Variants in MYBPC2 observed in about 807,000 individuals in gnomAD.
MYBPC2 encodes myosin-binding protein C, fast-type.
MYBPC2 carries 122 observed loss-of-function variants against 137.0 expected under a neutral mutation model. That is an observed-to-expected ratio of 0.89 (90% CI 0.77 to 1.03). The LOEUF (loss-of-function observed/expected upper bound fraction) is 1.03, where lower values mean the gene tolerates loss of function less well. Among genes scored for constraint, MYBPC2 ranks in the 50% least tolerant of loss-of-function variants. MYBPC2 has a pLI of 0.00. For missense variants in MYBPC2, 1,500 were observed against 1,534.4 expected, an observed-to-expected ratio of 0.98 and a Z score of 0.37; for synonymous variants, 626 against 612.3, an observed-to-expected ratio of 1.02 and a Z score of -0.33.
chr19:50,451,976 C>T lies in MYBPC2; in HGVS notation c.1722C>T (p.Pro574=), dbSNP rs931084866. The stretch of plus-strand genomic sequence containing the variant: ...TGTCCATCACAGGGGAGCCCCCTCC[C>T]GTCGCTACCTGGCTGAAGGGAGATG... ...LDVSITGEPP[P]VATWLKGDEV... is the part of the protein sequence containing the mutation. The change falls in exon 16 of 28, where the codon CCC becomes CCT. Residue 574 remains proline, a synonymous_variant. Coordinates refer to ENST00000357701, the MANE Select transcript of MYBPC2 (RefSeq NM_004533.4). 50 of 1,553,674 alleles carry T rather than the reference C, an allele frequency of 3.2e-5. 1 individual carries two copies. Among genetic ancestry groups the T allele is most frequent in the Middle Eastern group, 1.7e-4 (1 of 6,018 alleles).
Position 50,432,975 on chromosome 19 carries a change from G to A in MYBPC2, c.19+3G>A. On this transcript the variant is annotated splice_donor_region_variant and intron_variant, in intron 1 of 27. Coordinates refer to ENST00000357701, the MANE Select transcript of MYBPC2 (RefSeq NM_004533.4). This position sits in a 1 kb window ranked among gnomAD's most constrained non-coding sequence, Gnocchi z 5.5. Reference sequence around the variant, plus strand: ...CGACATGCCTGAGGCAAAACCAGGTGGCGCCAGGACCCCCTCCCTGTGTGG... The same window carrying A: ...CGACATGCCTGAGGCAAAACCAGGTAGCGCCAGGACCCCCTCCCTGTGTGG... 1.2e-6 allele frequency: 2 copies of A among 1,600,250 alleles called. No individual in the cohort carries two copies. Among genetic ancestry groups the A allele is most frequent in the South Asian group, 1.1e-5 (1 of 89,122 alleles).
At position 50,440,318 on chromosome 19, in the gene MYBPC2, G is replaced by GAAATA. The variant is rs1478570821; in HGVS notation, c.573-554_573-550dup. Among the ~76,000 whole-genome samples the GAAATA allele has an allele frequency of 8.6e-3, 821 of 95,932 alleles. 10 individuals carry two copies. Among genetic ancestry groups the GAAATA allele is most frequent in the African/African-American group, 0.025 (630 of 25,482 alleles). 62.9% of individuals were successfully genotyped at this position (95,932 alleles called of 152,430 possible). On this transcript the variant is annotated intron_variant, in intron 7 of 27. Transcript: ENST00000357701. ...ACCACCTGTTTCCCAATAACCTGTG[G>GAAATA]AAATAAAATAAATAAATAAATAAAT...
intron 1 of MYBPC2, among the ~76,000 whole-genome samples, chr19:50,434,288 C>T (rs538593531): frequency 1.3e-5 from 2 of 150,516 alleles, no homozygotes; most frequent in East Asian, 2.0e-4. Context: ...GCCCAGGAGA[C>T]GGAGGTTGCA....
At position 50,436,784 on chromosome 19, in the gene MYBPC2, T is replaced by G. The variant is rs1601280675; in HGVS notation, c.463+50T>G. 3 of 1,545,568 alleles carry G rather than the reference T, an allele frequency of 1.9e-6. No individual in the cohort carries two copies. In the East Asian group the frequency reaches 6.8e-5, roughly 35 times the overall value. On this transcript the variant is annotated intron_variant, in intron 5 of 27. Coordinates refer to ENST00000357701, the MANE Select transcript of MYBPC2 (RefSeq NM_004533.4). ...CAAAGGGTTCTATGTCTGGGTGGGG[T>G]GGACAGATGTACCAGCCAGGTGTTG...
At chr19:50,457,536 G>A (rs1967321672) in intron 20 of MYBPC2, among the ~76,000 whole-genome samples, 1 of 152,186 alleles carries the variant, frequency 6.6e-6, no homozygotes, top group South Asian at 2.1e-4. Context: ...GCTGGAGTCA[G>A]ACAGGCCTGG....
In MYBPC2 at chr19:50,443,821, G is replaced by GCACCCTTGACCCT; in HGVS notation, c.1133+5_1133+6insCACCCTTGACCCT. 6.2e-7 allele frequency: 1 copy of GCACCCTTGACCCT among 1,611,942 alleles called. No homozygotes were observed. The highest frequency in any genetic ancestry group is 1.7e-5 in the Admixed American group (1 of 59,978). On this transcript the variant is annotated splice_donor_region_variant and intron_variant, in intron 11 of 27. Transcript: ENST00000357701. ...AGAGGGTGCCCAGGTGATGTGGTAA[G>GCACCCTTGACCCT]TGACCCTTGATCCCTGATCTCCATA...
At chr19:50,438,654 C>G (rs765234256) in intron 7 of MYBPC2, among the ~76,000 whole-genome samples, 1 of 151,928 alleles carries the variant, frequency 6.6e-6, no homozygotes, top group Non-Finnish European at 1.5e-5. Flanking sequence ...TCACATGAGC[C>G]CAGGAGTGTA....
Position 50,461,888 on chromosome 19 carries a change from C to T in MYBPC2, c.3092-12C>T. ...AGATCAGTCGCCTTACGGGTGCATC[C>T]TCTCTCCCCAGGAATCACCTTCAAA... On this transcript the variant is annotated splice_polypyrimidine_tract_variant and intron_variant, in intron 25 of 27. Coordinates refer to ENST00000357701, the MANE Select transcript of MYBPC2 (RefSeq NM_004533.4). 6.3e-7 allele frequency: 1 copy of T among 1,593,156 alleles called. No homozygotes were observed. Among genetic ancestry groups the T allele is most frequent in the Non-Finnish European group, 8.6e-7 (1 of 1,169,380 alleles).
At chr19:50,433,036 AC>A in intron 1 of MYBPC2, 64 bp downstream of exon 1, 1 of 1,512,378 alleles carries the variant, frequency 6.6e-7, no homozygotes, top group Non-Finnish European at 8.8e-7. Context: ...GGGATTTGGG[AC>A]CCCTCTGTTT....
Position 50,464,489 on chromosome 19 carries a change from C to T in MYBPC2, c.3372C>T (p.Asn1124=), listed in dbSNP as rs754553823. Residue 1124 remains asparagine, a synonymous_variant, in exon 27 of 28, where the codon AAC becomes AAT. Coordinates refer to ENST00000357701, the MANE Select transcript of MYBPC2 (RefSeq NM_004533.4). ...GGACTTACACCTGCCGGGCCGTCAA[C>T]GAGCTGGGCGAGGCGCTGGCTGAGT... ...DAGTYTCRAV[N]ELGEALAECK... The T allele has an allele frequency of 1.1e-5, 18 of 1,612,820 alleles. No homozygotes were observed. The highest frequency in any genetic ancestry group is 1.7e-4 in the Middle Eastern group (1 of 6,058).
intron 1 of MYBPC2, among the ~76,000 whole-genome samples, chr19:50,433,234 G>T (rs1372730666): frequency 6.6e-6 from 1 of 152,006 alleles, no homozygotes; most frequent in Non-Finnish European, 1.5e-5. Context: ...TCTGTGTGGG[G>T]TGAGGGATCC....
chr19:50,436,263 G>A, intron 4 of MYBPC2, 103 bp downstream of exon 4: 1 of 1,472,714 alleles, frequency 6.8e-7, no homozygotes, highest in Non-Finnish European at 9.1e-7. Context: ...TGGGCCTGGA[G>A]CCGGGATGGA....
chr19:50,443,487 G>A lies in MYBPC2; in HGVS notation c.903-7G>A. ...CGCCCTGGTTTGAGGTGAGACTTTT[G>A]AATCAGGTACGTGTTTGAGAACGTT... On this transcript the variant is annotated splice_region_variant and splice_polypyrimidine_tract_variant and intron_variant, in intron 9 of 27. Transcript: ENST00000357701. The A allele has an allele frequency of 5.6e-6, 9 of 1,612,382 alleles. No individual in the cohort carries two copies. Among genetic ancestry groups the A allele is most frequent in the Non-Finnish European group, 7.6e-6 (9 of 1,178,952 alleles).
At chr19:50,460,008 T>C (rs2463248) in intron 23 of MYBPC2, 32 bp from the exon 24 acceptor site, 136,848 of 1,549,304 alleles carry the variant, frequency 0.088, 11,120 homozygotes, top group African/African-American at 0.43. Flanking sequence ...TCCCAAAACC[T>C]GGACTGACTT....
In MYBPC2 at chr19:50,461,588, T is replaced by A. The variant is rs1456995226; in HGVS notation, c.2978T>A (p.Val993Glu). 1 of 1,613,634 alleles carries A rather than the reference T, an allele frequency of 6.2e-7. No individual in the cohort carries two copies. The highest frequency in any genetic ancestry group is 8.5e-7 in the Non-Finnish European group (1 of 1,179,870). The change falls in exon 25 of 28, where the codon GTG (valine) becomes GAG (glutamate). Residue 993 changes from valine (V) to glutamate (E), a missense_variant. Coordinates refer to ENST00000357701, the MANE Select transcript of MYBPC2 (RefSeq NM_004533.4). ...CGTAACAGGCACACTAGCTGTACTG[T>A]GTCCGACCTTATCGTGGGCAATGAA... is the stretch of plus-strand genomic sequence containing the variant. ...YERNRHTSCT[V>E]SDLIVGNEYY... is the part of the protein sequence containing the mutation.
intron 20 of MYBPC2, among the ~76,000 whole-genome samples, chr19:50,457,934 C>A (rs994369193): frequency 2.0e-5 from 3 of 151,522 alleles, no homozygotes; most frequent in Non-Finnish European, 4.4e-5. Flanking sequence ...CCCACCTCAG[C>A]CTCCCGAAGT....
chr19:50,454,543 A>C (rs2039891379), intron 18 of MYBPC2, among the ~76,000 whole-genome samples, 174 bp downstream of exon 18: 1 of 147,470 alleles, frequency 6.8e-6, no homozygotes, highest in African/African-American at 2.5e-5. Context: ...CTCCTGCCTC[A>C]GCCTCGCAAG....
chr19:50,456,432 TC>T lies in MYBPC2; in HGVS notation c.2338+789del, dbSNP rs1568666773. Among the ~76,000 whole-genome samples the T allele has an allele frequency of 2.1e-3, 77 of 36,280 alleles. No homozygotes were observed. The East Asian group carries it at 0.027, about 13-fold the overall frequency. 23.8% of individuals were successfully genotyped at this position (36,280 alleles called of 152,430 possible). A position where few individuals can be genotyped will look rare whatever the true frequency, so the allele number is the denominator to read the frequency against. On this transcript the variant is annotated intron_variant, in intron 20 of 27. Transcript: ENST00000357701. ...TCCATATTTCCTTCGTTTCTCTCTC[TC>T]TCTTTTTTTTTTTTTTTGAGACAGA... is the stretch of plus-strand genomic sequence containing the variant.
Position 50,464,519 on chromosome 19 carries a change from GC to G in MYBPC2, c.3403del (p.Leu1135TrpfsTer39). ...TGGGCGAGGCGCTGGCTGAGTGCAA[GC>G]TGGAGGTCCGAGGTGAGGGCGTGGC... Reference protein sequence around the residue: ...ELGEALAECKLEVRVPQ With the variant: ...ELGEALAECKXEVRVPQ On this transcript the variant is annotated frameshift_variant, in exon 27 of 28. Transcript: ENST00000357701. LOFTEE classifies it high-confidence loss of function. 6.2e-7 allele frequency: 1 copy of G among 1,609,314 alleles called. No homozygotes were observed.
Sources: gnomAD v4.1 joint callset for allele counts (sites outside exome capture counted in the v4.1 genomes callset) on GRCh38, gnomAD v4.1.1 for gene constraint, Gnocchi (gnomAD v3.1) non-coding constraint, MANE v1.5 for transcripts, NCBI Gene and HGNC (gene_info 2026-07-23, HGNC 2026-07-21) for gene names.